The following TLE4 variants were observed in gnomAD, a reference collection of about 807,000 sequenced individuals.
TLE4 encodes the protein TLE family member 4, transcriptional corepressor, also known as transducin-like enhancer protein 4.
Under a neutral mutation model 92.8 loss-of-function variants are expected in TLE4, and 8 were observed. That is an observed-to-expected ratio of 0.09 (90% CI 0.05 to 0.16). The LOEUF (loss-of-function observed/expected upper bound fraction) is 0.16, where lower values mean the gene tolerates loss of function less well. TLE4 is among the 10% of genes least tolerant of loss of function. The probability of loss-of-function intolerance (pLI) is 1.00; values close to 1 mark genes in which losing one functional copy is unlikely to be tolerated. For synonymous variants in TLE4, 371 were observed against 374.1 expected (o/e 0.99, Z 0.10); for missense variants, 675 against 997.6 (o/e 0.68, Z 4.36).
At chr9:79,677,672 A>C (rs1331541134) in intron 8 of TLE4, among the ~76,000 whole-genome samples, 2 of 147,818 alleles carry the variant, frequency 1.4e-5, no homozygotes, top group Admixed American at 6.7e-5. Flanking sequence ...AGATGGATTC[A>C]ATTTTTTTTC....
chr9:79,696,202 G>A (rs1187842312), intron 8 of TLE4, among the ~76,000 whole-genome samples: 1 of 152,056 alleles, frequency 6.6e-6, no homozygotes, highest in Admixed American at 6.6e-5. Context: ...GTATTGACAT[G>A]GTATTTTTTG....
intron 8 of TLE4, among the ~76,000 whole-genome samples, chr9:79,704,456 C>T (rs993724010): frequency 5.3e-5 from 8 of 152,174 alleles, no homozygotes; most frequent in African/African-American, 1.9e-4. Context: ...ACAATATATC[C>T]GTAAAACCAA....
chr9:79,681,653 C>T (rs1383953423), intron 8 of TLE4, among the ~76,000 whole-genome samples: 1 of 151,972 alleles, frequency 6.6e-6, no homozygotes, highest in Non-Finnish European at 1.5e-5. Context: ...TACATGGATA[C>T]AGATCTGTTC....
intron 8 of TLE4, among the ~76,000 whole-genome samples, chr9:79,677,029 A>G (rs954257234): frequency 6.6e-6 from 1 of 152,114 alleles, no homozygotes; most frequent in Non-Finnish European, 1.5e-5. Context: ...ATGGTATAAA[A>G]TCCAGAAGGA....
At chr9:79,711,650 A>G (rs114541535) in intron 14 of TLE4, among the ~76,000 whole-genome samples, 1,817 of 152,260 alleles carry the variant, frequency 0.012, 41 homozygotes, top group African/African-American at 0.041. Context: ...TTAAGGAAAC[A>G]CCTTGGCTAA....
chr9:79,618,927 T>G (rs7044519), intron 5 of TLE4, among the ~76,000 whole-genome samples: 22,109 of 152,196 alleles, frequency 0.15, 1,766 homozygotes, highest in Non-Finnish European at 0.16. Flanking sequence ...AAAGGGAAAT[T>G]AGGACCTAAA....
At chr9:79,579,534 T>C (rs1349308480) in intron 4 of TLE4, among the ~76,000 whole-genome samples, 3 of 152,236 alleles carry the variant, frequency 2.0e-5, no homozygotes, top group African/African-American at 7.2e-5. Context: ...TATTCTACAA[T>C]GTGAAAGCTT....
intron 14 of TLE4, among the ~76,000 whole-genome samples, chr9:79,712,205 T>C (rs2073478206): frequency 6.6e-6 from 1 of 152,238 alleles, no homozygotes; most frequent in Non-Finnish European, 1.5e-5. Context: ...TTATTCATTT[T>C]TCAGCTACTT....
intron 6 of TLE4, among the ~76,000 whole-genome samples, chr9:79,639,517 A>G (rs1489405139): frequency 6.6e-6 from 1 of 152,312 alleles, no homozygotes; most frequent in East Asian, 1.9e-4. Flanking sequence ...AGTGGTGTTC[A>G]TTAATGTCCT....
chr9:79,684,908 A>G (rs751959971), intron 8 of TLE4, among the ~76,000 whole-genome samples: 17 of 152,312 alleles, frequency 1.1e-4, no homozygotes, highest in Admixed American at 8.5e-4. Flanking sequence ...TGCAGCCAAT[A>G]TTGCAGTCAG....
intron 4 of TLE4, among the ~76,000 whole-genome samples, chr9:79,593,522 A>G (rs2043199525): frequency 6.6e-6 from 1 of 152,240 alleles, no homozygotes; most frequent in Non-Finnish European, 1.5e-5. Flanking sequence ...GTCCTTGTTC[A>G]TGGACTTTTC....
intron 8 of TLE4, among the ~76,000 whole-genome samples, chr9:79,695,150 C>A (rs2135633793): frequency 6.6e-6 from 1 of 152,102 alleles, no homozygotes; most frequent in Admixed American, 6.5e-5. Flanking sequence ...CATTGCATGC[C>A]CACCCAGTGG....
chr9:79,656,930 A>G (rs1023367590), intron 8 of TLE4, among the ~76,000 whole-genome samples: 2 of 152,090 alleles, frequency 1.3e-5, no homozygotes, highest in East Asian at 1.9e-4. Flanking sequence ...GTGGCCACCA[A>G]ATTGCACGCT....
chr9:79,668,396 G>T (rs1008631276), intron 8 of TLE4, among the ~76,000 whole-genome samples: 4 of 152,178 alleles, frequency 2.6e-5, no homozygotes, highest in Admixed American at 6.5e-5. Flanking sequence ...GGAGGATGTC[G>T]GAACGTATCT....
intron 4 of TLE4, among the ~76,000 whole-genome samples, chr9:79,598,263 G>GA (rs938142420): frequency 5.3e-4 from 68 of 128,908 alleles, no homozygotes; most frequent in Admixed American, 6.2e-4. Context: ...AAAAAAAAAA[G>GA]AAAAAAAAAA....
chr9:79,664,487 C>G (rs2061059245), intron 8 of TLE4, among the ~76,000 whole-genome samples: 1 of 152,100 alleles, frequency 6.6e-6, no homozygotes, highest in Non-Finnish European at 1.5e-5. Flanking sequence ...GAATGAGACT[C>G]CTGAATTGGA....
chr9:79,723,262 T>G (rs1457134906), intron 19 of TLE4, among the ~76,000 whole-genome samples: 1 of 152,262 alleles, frequency 6.6e-6, no homozygotes, highest in East Asian at 1.9e-4. Context: ...TGTGCCTGAT[T>G]CAGTGCTCAC....
At chr9:79,720,410 G>A in intron 16 of TLE4, 117 bp downstream of exon 16, 1 of 1,228,212 alleles carries the variant, frequency 8.1e-7, no homozygotes, top group Non-Finnish European at 1.1e-6. Flanking sequence ...GTGTGTGTGT[G>A]TGTGTGTGTG....
chr9:79,654,056 T>C lies in TLE4; in HGVS notation c.593-3T>C. ...GCTTGTGTTGCTGCTGTTTTGCATATAGACAGAGACTCCATCAAGGTAGGA... is the reference window on the plus strand; with the variant it reads ...GCTTGTGTTGCTGCTGTTTTGCATACAGACAGAGACTCCATCAAGGTAGGA... On this transcript the variant is annotated splice_region_variant and splice_polypyrimidine_tract_variant and intron_variant, in intron 7 of 19. Transcript: ENST00000376552. 1 of 1,613,776 alleles carries C rather than the reference T, an allele frequency of 6.2e-7. No individual in the cohort carries two copies. Among genetic ancestry groups the C allele is most frequent in the African/African-American group, 1.3e-5 (1 of 75,028 alleles).
Sources: allele counts gnomAD v4.1 joint callset (sites outside exome capture counted in the v4.1 genomes callset), GRCh38; gene constraint gnomAD v4.1.1; transcripts MANE v1.5; gene names NCBI Gene and HGNC (gene_info 2026-07-23, HGNC 2026-07-21).